The following DRP2 variants were observed in gnomAD, a reference collection of about 807,000 sequenced individuals.
DRP2 encodes dystrophin-related protein 2.
In DRP2, 29 loss-of-function variants were observed where a neutral mutation model predicts 78.2. The ratio of observed to expected loss-of-function variants is 0.37; its 90% CI spans 0.28 to 0.51. DRP2 has a LOEUF of 0.51. Among genes scored for constraint, DRP2 ranks in the 20% least tolerant of loss-of-function variants. DRP2 has a pLI of 0.94. For missense variants in DRP2, 686 were observed against 770.6 expected, an observed-to-expected ratio of 0.89 and a Z score of 1.30; for synonymous variants, 290 against 281.9, an observed-to-expected ratio of 1.03 and a Z score of -0.29.
Position 101,248,232 on chromosome X carries a change from G to T in DRP2, c.1396G>T (p.Val466Phe), listed in dbSNP as rs1923001177. ...TTTGGAGGAGGAAAGAGGCATCCTG[G>T]TCAACGTGCCACTCTGTGTGGACAT... is the stretch of plus-strand genomic sequence containing the variant. ...ERLEEERGIL[V>F]NVPLCVDMSL... is the part of the protein sequence containing the mutation. The change falls in exon 13 of 24, where the codon GTC becomes TTC. Residue 466 changes from valine to phenylalanine, a missense_variant. Val to Phe is a conservative substitution (Grantham distance 50). Coordinates refer to ENST00000395209, the MANE Select transcript of DRP2 (RefSeq NM_001939.3). 8.3e-6 allele frequency: 10 copies of T among 1,211,616 alleles called. 1 individual carries two copies. In the East Asian group the frequency reaches 3.0e-4, roughly 36 times the overall value.
intron 20 of DRP2, 100 bp downstream of exon 20, chrX:101,255,349 G>A (rs1198678906): frequency 2.3e-6 from 2 of 883,856 alleles, no homozygotes; most frequent in Admixed American, 2.4e-5. Flanking sequence ...GGGGGTGTGT[G>A]GTGGTTAGGA....
intron 11 of DRP2, among the ~76,000 whole-genome samples, chrX:101,245,872 T>A (rs1922916593): frequency 9.0e-6 from 1 of 111,677 alleles, no homozygotes; most frequent in Non-Finnish European, 1.9e-5. Flanking sequence ...AATACTGGAT[T>A]GTATCGTTAA....
chrX:101,245,555 T>A (rs1453650932), intron 11 of DRP2, 106 bp downstream of exon 11: 2 of 618,166 alleles, frequency 3.2e-6, no homozygotes, highest in East Asian at 3.7e-5. Context: ...TATATCCATG[T>A]AATGGAATAT....
chrX:101,221,245 C>T (rs1921884342), intron 1 of DRP2, among the ~76,000 whole-genome samples: 1 of 113,101 alleles, frequency 8.8e-6, no homozygotes, highest in Non-Finnish European at 1.9e-5. Context: ...TAAAAAAGCT[C>T]TATGTCTAGT....
At chrX:101,220,412 G>GA (rs1204968915) in intron 1 of DRP2, among the ~76,000 whole-genome samples, 1,916 of 96,263 alleles carry the variant, frequency 0.02, 47 homozygotes, top group African/African-American at 0.065. Context: ...GATTCATAAA[G>GA]AAAAAAAAAA....
chrX:101,241,517 T>C (rs1451983250), intron 6 of DRP2, 151 bp from the exon 7 acceptor site: 1 of 594,385 alleles, frequency 1.7e-6, no homozygotes, highest in African/African-American at 2.3e-5. Context: ...CATGGAAAAA[T>C]ATGTATTTGT....
rs754439265 is a variant in DRP2, at chrX:101,263,633, G to A, written c.*3012G>A. 8 of 112,059 alleles carry A rather than the reference G, an allele frequency of 7.1e-5. No individual in the cohort carries two copies. The East Asian group carries it at 2.2e-3, about 31-fold the overall frequency. 9.2% of individuals were successfully genotyped at this position (112,059 alleles called of 1,213,427 possible). The stretch of plus-strand genomic sequence containing the variant: ...ATCAGGCTGTGCTATGCTTCCCTAG[G>A]GAGGACATGTGCCCTTCCCTCCAGA... On this transcript the variant is annotated 3_prime_UTR_variant, in exon 24 of 24. Transcript: ENST00000395209.
chrX:101,221,968 C>T (rs1921906579), intron 1 of DRP2, among the ~76,000 whole-genome samples: 1 of 112,086 alleles, frequency 8.9e-6, no homozygotes, highest in Admixed American at 9.5e-5. Flanking sequence ...GAGATAAATC[C>T]TTCTAGGATA....
chrX:101,241,915 A>C lies in DRP2; in HGVS notation c.807A>C (p.Pro269=), dbSNP rs1922745829. 1.7e-6 allele frequency: 2 copies of C among 1,167,098 alleles called. No individual in the cohort carries two copies. The highest frequency in any genetic ancestry group is 3.6e-5 in the African/African-American group (2 of 55,551). Residue 269 remains proline, a synonymous_variant, in exon 7 of 24, where the codon CCA becomes CCC. Coordinates refer to ENST00000395209, the MANE Select transcript of DRP2 (RefSeq NM_001939.3). ...GGGATCTCTTCATTGATTCACTCCC[A>C]GAGCACATCCAGGCTATTAAGGTAT... ...PIGDLFIDSL[P]EHIQAIKLFK...
rs1488374202 is a variant in DRP2 at position 101,252,687 on chromosome X, C to T, written c.1948C>T (p.His650Tyr). The T allele has an allele frequency of 8.3e-6, 10 of 1,211,730 alleles. No homozygotes were observed. The highest frequency in any genetic ancestry group is 1.1e-5 in the Non-Finnish European group (10 of 895,322). The change falls in exon 17 of 24, where the codon CAC (histidine) becomes TAC (tyrosine). Residue 650 changes from histidine to tyrosine, a missense_variant. His to Tyr is a moderately conservative substitution (Grantham distance 83, BLOSUM62 2). Coordinates refer to ENST00000395209, the MANE Select transcript of DRP2 (RefSeq NM_001939.3). Reference sequence around the variant, plus strand: ...CAGGGCCAGCAAAGGCAATAAGCTGCACTACCCCATCATGGAGTATTACAC... The same window carrying T: ...CAGGGCCAGCAAAGGCAATAAGCTGTACTACCCCATCATGGAGTATTACAC... ...TGRASKGNKL[H>Y]YPIMEYYTPT...
At chrX:101,227,890 C>T (rs1278256592) in intron 2 of DRP2, among the ~76,000 whole-genome samples, 1 of 111,682 alleles carries the variant, frequency 9.0e-6, no homozygotes, top group Non-Finnish European at 1.9e-5. Flanking sequence ...AAGAAAGAAT[C>T]TTATAATCTG....
intron 1 of DRP2, among the ~76,000 whole-genome samples, chrX:101,224,181 GGTTTTTTTTGTTTTTT>G (rs1921995583): frequency 1.0e-4 from 5 of 47,654 alleles, no homozygotes; most frequent in African/African-American, 4.9e-4. Context: ...ATGTTTGCTG[GGTTTTTTTTGTTTTTT>G]TTTTTTTTTT....
At chrX:101,239,243 G>A (rs1050290731) in intron 6 of DRP2, 142 bp downstream of exon 6, 2 of 815,196 alleles carry the variant, frequency 2.5e-6, no homozygotes, top group African/African-American at 4.1e-5. Flanking sequence ...ATCCAAAGTT[G>A]GGGGGAAGCA....
At chrX:101,242,535 C>A (rs1415062737) in intron 8 of DRP2, 64 bp downstream of exon 8, 2 of 1,138,180 alleles carry the variant, frequency 1.8e-6, no homozygotes, top group African/African-American at 3.6e-5. Flanking sequence ...TTGGGGGAAA[C>A]TTCTTCAGGG....
Position 101,258,595 on chromosome X carries a change from G to A in DRP2, c.2628+49G>A, listed in dbSNP as rs773354163. On this transcript the variant is annotated intron_variant, in intron 22 of 23. Transcript: ENST00000395209. ...GCCAGGGTGGCCTCTGAGCCCAGGG[G>A]AAGGGCTGGGGAGCTGAGGGCTGTG... is the stretch of plus-strand genomic sequence containing the variant. The A allele has an allele frequency of 3.1e-5, 33 of 1,074,965 alleles. No individual in the cohort carries two copies. The Admixed American group carries it at 8.5e-4, about 28-fold the overall frequency. The allele number at this position is 1,074,965 out of a possible 1,213,427, so 88.6% of individuals were successfully genotyped here. A position where few individuals can be genotyped will look rare whatever the true frequency, so the allele number is the denominator to read the frequency against.
At chrX:101,233,032 TG>T (rs773201390) in intron 3 of DRP2, among the ~76,000 whole-genome samples, 2 of 112,345 alleles carry the variant, frequency 1.8e-5, no homozygotes, top group South Asian at 7.5e-4. Flanking sequence ...GCAAATATCC[TG>T]GCTACAAAAG....
intron 3 of DRP2, among the ~76,000 whole-genome samples, chrX:101,232,157 C>T (rs1287008061): frequency 9.0e-6 from 1 of 111,145 alleles, no homozygotes; most frequent in African/African-American, 3.3e-5. Context: ...TGTCTCTCTC[C>T]TGCCATCGGC....
chrX:101,234,555 G>A (rs1182760214), intron 3 of DRP2, among the ~76,000 whole-genome samples: 1 of 112,803 alleles, frequency 8.9e-6, no homozygotes, highest in Non-Finnish European at 1.9e-5. Flanking sequence ...CTGCCTCCCT[G>A]AGAGGGCTTG....
At chrX:101,255,058 A>G (rs1923288581) in intron 19 of DRP2, 126 bp from the exon 20 acceptor site, 7 of 1,041,383 alleles carry the variant, frequency 6.7e-6, no homozygotes, top group Non-Finnish European at 9.4e-6. Context: ...AGCCAGCAAG[A>G]CCCAACACTT....
Sources: gnomAD v4.1 joint callset for allele counts (sites outside exome capture counted in the v4.1 genomes callset) on GRCh38, gnomAD v4.1.1 for gene constraint, MANE v1.5 for transcripts, NCBI Gene and HGNC (gene_info 2026-07-23, HGNC 2026-07-21) for gene names.